FAR2: variants seen among roughly 807,000 people sequenced by gnomAD.
The protein encoded by FAR2 is fatty acyl-CoA reductase 2, also known as epididymis secretory protein Li 81.
A neutral mutation model predicts 56.0 loss-of-function variants in FAR2; 19 were observed. That is an observed-to-expected ratio of 0.34 (90% confidence interval 0.24 to 0.50). The LOEUF is 0.50. Among genes scored for constraint, FAR2 ranks in the 20% least tolerant of loss-of-function variants. FAR2 has a pLI of 0.98. For synonymous variants in FAR2, 219 were observed against 218.8 expected (o/e 1.00, Z -0.01); for missense variants, 508 against 642.2 (o/e 0.79, Z 2.26).
chr12:29,271,083 G>A (rs1032912447), intron 2 of FAR2, among the ~76,000 whole-genome samples: 8 of 152,148 alleles, frequency 5.3e-5, no homozygotes, highest in Admixed American at 2.0e-4. Context: ...ACTTTCAGTT[G>A]TCTAAACTCT....
chr12:29,277,208 C>A (rs1948714429), intron 2 of FAR2, among the ~76,000 whole-genome samples: 2 of 152,210 alleles, frequency 1.3e-5, no homozygotes, highest in African/African-American at 4.8e-5. Flanking sequence ...GAACTCCTGA[C>A]CTCGTGATCC....
chr12:29,213,806 C>T (rs1272491985), intron 1 of FAR2, among the ~76,000 whole-genome samples: 1 of 152,122 alleles, frequency 6.6e-6, no homozygotes, highest in Non-Finnish European at 1.5e-5. Context: ...TAAACCATCT[C>T]CATCCTTCAT....
At chr12:29,318,113 A>G (rs994256916) in intron 9 of FAR2, among the ~76,000 whole-genome samples, 2 of 152,244 alleles carry the variant, frequency 1.3e-5, no homozygotes, top group African/African-American at 4.8e-5. Flanking sequence ...AAGTATGAAC[A>G]GTATTGCCTT....
chr12:29,265,471 T>C (rs1385086608), intron 1 of FAR2, among the ~76,000 whole-genome samples: 1 of 152,166 alleles, frequency 6.6e-6, no homozygotes, highest in African/African-American at 2.4e-5. Context: ...ACTGGATATC[T>C]ATATGCAGAA....
At chr12:29,286,140 T>C (rs1948873338) in intron 2 of FAR2, among the ~76,000 whole-genome samples, 2 of 151,680 alleles carry the variant, frequency 1.3e-5, no homozygotes, top group African/African-American at 4.8e-5. Flanking sequence ...GGAAATGGAG[T>C]ATTGCTGTGG....
intron 1 of FAR2, among the ~76,000 whole-genome samples, chr12:29,162,477 G>A (rs1949790016): frequency 6.6e-6 from 1 of 152,162 alleles, no homozygotes; most frequent in African/African-American, 2.4e-5. Context: ...GCTGTTCAGT[G>A]TTAAGGTCAA....
intron 10 of FAR2, among the ~76,000 whole-genome samples, chr12:29,323,454 G>A (rs987275110): frequency 5.3e-5 from 8 of 152,232 alleles, no homozygotes; most frequent in African/African-American, 1.9e-4. Flanking sequence ...GCCTCCTCAA[G>A]TGGGTCCCTG....
At chr12:29,286,072 CA>C (rs1389990221) in intron 2 of FAR2, among the ~76,000 whole-genome samples, 1 of 150,202 alleles carries the variant, frequency 6.7e-6, no homozygotes, top group Non-Finnish European at 1.5e-5. Context: ...CAGACACACA[CA>C]CACACACACA....
At chr12:29,164,319 G>A (rs186608337) in intron 1 of FAR2, among the ~76,000 whole-genome samples, 180 of 152,248 alleles carry the variant, frequency 1.2e-3, no homozygotes, top group Middle Eastern at 6.8e-3. Flanking sequence ...TTTTGCCGAC[G>A]CGGCTGCTGC....
chr12:29,266,167 C>T (rs1024330073), intron 1 of FAR2, among the ~76,000 whole-genome samples: 7 of 151,980 alleles, frequency 4.6e-5, no homozygotes, highest in South Asian at 2.1e-4. Context: ...GTATATACCC[C>T]GATGAAAGGA....
At chr12:29,164,093 A>G (rs898529549) in intron 1 of FAR2, among the ~76,000 whole-genome samples, 2 of 152,232 alleles carry the variant, frequency 1.3e-5, no homozygotes, top group African/African-American at 4.8e-5. Context: ...TTACCTGCTT[A>G]GGACAGAGCT....
At chr12:29,255,618 T>TC (rs1467056875) in intron 1 of FAR2, among the ~76,000 whole-genome samples, 2 of 151,922 alleles carry the variant, frequency 1.3e-5, no homozygotes, top group Non-Finnish European at 2.9e-5. Flanking sequence ...CTTTCTTTTT[T>TC]CTTTTTTTTT....
Position 29,190,470 on chromosome 12 carries a change from T to A in FAR2, c.-39+41063T>A, listed in dbSNP as rs150810763. Among the ~76,000 whole-genome samples, 754 of 152,194 alleles carry A rather than the reference T, an allele frequency of 5.0e-3. 6 individuals are homozygous for A. The highest frequency in any genetic ancestry group is 0.015 in the African/African-American group (628 of 41,496). ...TTTATTTTTAATTAATTAATTAATT[T>A]ATTTATTTATTGAGACGGAGTTTCC... is the stretch of plus-strand genomic sequence containing the variant. On this transcript the variant is annotated intron_variant, in intron 1 of 11. Coordinates refer to ENST00000536681, the MANE Select transcript of FAR2 (RefSeq NM_001271783.2).
chr12:29,308,440 A>G (rs1427679683), intron 5 of FAR2, among the ~76,000 whole-genome samples: 1 of 152,030 alleles, frequency 6.6e-6, no homozygotes, highest in Non-Finnish European at 1.5e-5. Flanking sequence ...TGATGAGACA[A>G]TGTATGAGGA....
At chr12:29,185,698 A>G (rs1847337545) in intron 1 of FAR2, among the ~76,000 whole-genome samples, 2 of 152,188 alleles carry the variant, frequency 1.3e-5, no homozygotes, top group Non-Finnish European at 2.9e-5. Context: ...TTGACATGGG[A>G]TAATATTGCC....
At chr12:29,285,201 T>C (rs997179177) in intron 2 of FAR2, among the ~76,000 whole-genome samples, 1 of 59,410 alleles carries the variant, frequency 1.7e-5, no homozygotes, top group African/African-American at 1.2e-4. Context: ...AAAAGTGTGT[T>C]CATGCTTCGC....
In FAR2 at chr12:29,293,460, T is replaced by C; in HGVS notation, c.350T>C (p.Phe117Ser). Residue 117 changes from phenylalanine (F) to serine (S), a missense_variant, in exon 3 of 12, where the codon TTT becomes TCT. Phe to Ser is a radical substitution (Grantham distance 155, BLOSUM62 -2). Coordinates refer to ENST00000536681, the MANE Select transcript of FAR2 (RefSeq NM_001271783.2). The stretch of plus-strand genomic sequence containing the variant: ...TTTCACTGTGCAGCCACTGTACGCT[T>C]TGACGACACTCTCAGGTACATTCCC... ...IIFHCAATVR[F>S]DDTLRHAVQL... 6.3e-7 allele frequency: 1 copy of C among 1,576,244 alleles called. No individual in the cohort carries two copies. The highest frequency in any genetic ancestry group is 8.6e-7 in the Non-Finnish European group (1 of 1,161,646).
chr12:29,198,056 T>C (rs974593548), intron 1 of FAR2, among the ~76,000 whole-genome samples: 3 of 152,192 alleles, frequency 2.0e-5, no homozygotes, highest in African/African-American at 7.2e-5. Context: ...TCTTTATTTA[T>C]AGCTGCGAAC....
At chr12:29,251,913 A>T (rs1342550832) in intron 1 of FAR2, among the ~76,000 whole-genome samples, 1 of 152,114 alleles carries the variant, frequency 6.6e-6, no homozygotes, top group African/African-American at 2.4e-5. Context: ...CTCACTATTT[A>T]TTACCCCTAG....
Sources: allele counts gnomAD v4.1 joint callset (sites outside exome capture counted in the v4.1 genomes callset), GRCh38; gene constraint gnomAD v4.1.1; transcripts MANE v1.5; gene names NCBI Gene and HGNC (gene_info 2026-07-23, HGNC 2026-07-21).